RTN3: variants seen among roughly 807,000 people sequenced by gnomAD.
RTN3 encodes the protein reticulon 3.
A neutral mutation model predicts 77.8 loss-of-function variants in RTN3; 49 were observed. The observed-to-expected ratio is 0.63, with a 90% CI of 0.50 to 0.80. RTN3 has a LOEUF of 0.80. Ranked by LOEUF, RTN3 falls within the 30% of genes least tolerant of loss-of-function variation. The pLI is 0.00. For missense variants in RTN3, 1,236 were observed against 1,211.9 expected (o/e 1.02, Z -0.29); for synonymous variants, 464 against 446.9 (o/e 1.04, Z -0.48).
intron 1 of RTN3, among the ~76,000 whole-genome samples, 166 bp from the exon 2 acceptor site, chr11:63,704,685 T>C (rs1052435342): frequency 1.3e-5 from 2 of 152,178 alleles, no homozygotes; most frequent in African/African-American, 4.8e-5. Flanking sequence ...AAGGTTTTGC[T>C]ACCAGGTGAG....
At chr11:63,718,185 AT>A (rs1342950575) in intron 2 of RTN3, among the ~76,000 whole-genome samples, 3 of 152,300 alleles carry the variant, frequency 2.0e-5, no homozygotes, top group Non-Finnish European at 4.4e-5. Flanking sequence ...TCTCCTAAAA[AT>A]CAAAAAAGTC....
At chr11:63,695,098 A>T (rs1490611862) in intron 1 of RTN3, among the ~76,000 whole-genome samples, 1 of 152,232 alleles carries the variant, frequency 6.6e-6, no homozygotes, top group Non-Finnish European at 1.5e-5. Flanking sequence ...GCAAACATTT[A>T]TGAAGCTCCT....
At chr11:63,735,128 T>A (rs544008707) in intron 3 of RTN3, among the ~76,000 whole-genome samples, 1 of 152,210 alleles carries the variant, frequency 6.6e-6, no homozygotes, top group African/African-American at 2.4e-5. Flanking sequence ...TAGCTGAGAC[T>A]GCAAGTGTGC....
At chr11:63,708,790 C>T (rs562812944) in intron 2 of RTN3, among the ~76,000 whole-genome samples, 1 of 152,248 alleles carries the variant, frequency 6.6e-6, no homozygotes, top group Non-Finnish European at 1.5e-5. Context: ...TTTCCTTTTT[C>T]CATCAAGCAA....
chr11:63,695,851 G>A (rs1464222675), intron 1 of RTN3, among the ~76,000 whole-genome samples: 2 of 152,066 alleles, frequency 1.3e-5, no homozygotes, highest in East Asian at 1.9e-4. Context: ...AGAGAAAAGG[G>A]GCGTTAGGGA....
intron 8 of RTN3, among the ~76,000 whole-genome samples, chr11:63,757,482 T>G (rs569806580): frequency 5.9e-4 from 90 of 152,164 alleles, no homozygotes; most frequent in African/African-American, 1.8e-3. Flanking sequence ...CACCCCAGCC[T>G]CCTGAGTAGC....
chr11:63,695,942 C>T (rs1941914876), intron 1 of RTN3, among the ~76,000 whole-genome samples: 1 of 152,006 alleles, frequency 6.6e-6, no homozygotes, highest in African/African-American at 2.4e-5. Context: ...TAAAAATTAC[C>T]TTTGTAATAT....
chr11:63,685,674 ATTACC>A (rs1941330900), intron 1 of RTN3, among the ~76,000 whole-genome samples: 2 of 152,126 alleles, frequency 1.3e-5, no homozygotes, highest in Admixed American at 1.3e-4. Context: ...ATGCTAAAAA[ATTACC>A]TTAATTGTTT....
chr11:63,758,176 G>A lies in RTN3; in HGVS notation c.3074G>A (p.Gly1025Glu), dbSNP rs1362770024. 14 of 1,607,654 alleles carry A rather than the reference G, an allele frequency of 8.7e-6. No individual in the cohort carries two copies. Among genetic ancestry groups the A allele is most frequent in the Non-Finnish European group, 1.2e-5 (14 of 1,177,992 alleles). ...IVEKIQAKLP[G>E]IAKKKAE ...AATAGGATCCAAGCAAAACTCCCTG[G>A]AATCGCCAAAAAAAAGGCAGAATAA... Residue 1025 changes from glycine to glutamate, a missense_variant, in exon 9 of 9, where the codon GGA becomes GAA. This residue lies in a region of RTN3 where 141 missense variants were observed against 154.9 expected (regional missense o/e 0.91). Coordinates refer to ENST00000377819, the MANE Select transcript of RTN3 (RefSeq NM_001265589.2).
chr11:63,714,316 A>T (rs983930120), intron 2 of RTN3: 2 of 320,998 alleles, frequency 6.2e-6, no homozygotes, highest in Non-Finnish European at 6.1e-6. Flanking sequence ...CCTGCATCTC[A>T]CAATCACTGA....
At chr11:63,686,616 C>T (rs1020864901) in intron 1 of RTN3, among the ~76,000 whole-genome samples, 4 of 152,010 alleles carry the variant, frequency 2.6e-5, no homozygotes, top group South Asian at 2.1e-4. Context: ...CTTGAGCTCA[C>T]GAGTTTGAGA....
Position 63,752,598 on chromosome 11 carries a change from C to T in RTN3, c.2830C>T (p.Leu944Phe). The change falls in exon 5 of 9, where the codon CTC (leucine) becomes TTC (phenylalanine). Residue 944 changes from leucine to phenylalanine, a missense_variant. Physicochemically the swap from Leu to Phe is conservative, Grantham distance 22. This residue lies in a region of RTN3 where 141 missense variants were observed against 154.9 expected (regional missense o/e 0.91). Transcript: ENST00000377819. The part of the protein sequence containing the change: ...AMVHINRALK[L>F]IIRLFLVEDL... ...GGTGCACATCAACAGGGCCCTGAAA[C>T]TCATTATTCGTCTCTTTCTGGTAGA... The T allele has an allele frequency of 6.2e-7, 1 of 1,613,932 alleles. No homozygotes were observed. Among genetic ancestry groups the T allele is most frequent in the Non-Finnish European group, 8.5e-7 (1 of 1,179,916 alleles).
In RTN3 at chr11:63,718,861, A is replaced by G. The variant is rs141445845; in HGVS notation, c.359A>G (p.Asp120Gly). 9.9e-6 allele frequency: 16 copies of G among 1,613,990 alleles called. No homozygotes were observed. In the African/African-American group the frequency reaches 2.0e-4, roughly 20 times the overall value. ...CCTATTTTAGCCAAAGAAGGAAAAG[A>G]CCACTTGGATCTTCTAGATATGAAA... ...SQPILAKEGK[D>G]HLDLLDMKKM... The change falls in exon 3 of 9, where the codon GAC (aspartate) becomes GGC (glycine). Residue 120 changes from aspartate (D) to glycine (G), a missense_variant. Asp to Gly is a moderately conservative substitution (Grantham distance 94). Coordinates refer to ENST00000377819, the MANE Select transcript of RTN3 (RefSeq NM_001265589.2).
chr11:63,753,762 T>C (rs2014224304), intron 7 of RTN3, 54 bp downstream of exon 7: 1 of 1,468,630 alleles, frequency 6.8e-7, no homozygotes, highest in African/African-American at 1.4e-5. Flanking sequence ...TGACTAGTTG[T>C]AGTTCATTTC....
At position 63,698,072 on chromosome 11, in the gene RTN3, CT is replaced by C. The variant is rs569525712; in HGVS notation, c.143-6778del. 3.3e-5 allele frequency among the ~76,000 whole-genome samples: 5 copies of C among 152,086 alleles called. No homozygotes were observed. The South Asian group carries it at 8.3e-4, about 25-fold the overall frequency. ...AGTCTTCAGTGTCTGTTCCCTCCCC[CT>C]CTACCACTCTCATTTTAGTCATCAA... On this transcript the variant is annotated intron_variant, in intron 1 of 8. Transcript: ENST00000377819.
At chr11:63,749,861 AAAAAC>A (rs1302640416) in intron 3 of RTN3, 125 bp from the exon 4 acceptor site, 2 of 725,820 alleles carry the variant, frequency 2.8e-6, no homozygotes, top group African/African-American at 3.5e-5. Context: ...ATCTCTTTAA[AAAAAC>A]AAAACCAGAT....
chr11:63,712,400 C>T (rs2011184003), intron 2 of RTN3, among the ~76,000 whole-genome samples: 1 of 151,852 alleles, frequency 6.6e-6, no homozygotes, highest in African/African-American at 2.4e-5. Context: ...AAGTTAGGTG[C>T]TTTAATTTTC....
At chr11:63,710,405 A>G (rs1488600502) in intron 2 of RTN3, among the ~76,000 whole-genome samples, 1 of 152,132 alleles carries the variant, frequency 6.6e-6, no homozygotes, top group African/African-American at 2.4e-5. Context: ...GAAAGATAAA[A>G]TACTCTAGGC....
Position 63,753,029 on chromosome 11 carries a change from T to TA in RTN3, c.2878-39dup, listed in dbSNP as rs781125336. The TA allele has an allele frequency of 1.3e-5, 21 of 1,590,722 alleles. No individual in the cohort carries two copies. The African/African-American group carries it at 2.6e-4, about 19-fold the overall frequency. On this transcript the variant is annotated intron_variant, in intron 5 of 8. Coordinates refer to ENST00000377819, the MANE Select transcript of RTN3 (RefSeq NM_001265589.2). Reference sequence around the variant, plus strand: ...ACATCAGTTAATGTGAATTTTGCCTTACGGTTATTCCTGCTTAACTTTTGA... The same window carrying TA: ...ACATCAGTTAATGTGAATTTTGCCTTAACGGTTATTCCTGCTTAACTTTTGA...
Sources: allele counts gnomAD v4.1 joint callset (sites outside exome capture counted in the v4.1 genomes callset), GRCh38; gene constraint gnomAD v4.1.1; regional missense constraint gnomAD v4.1.1; transcripts MANE v1.5; gene names NCBI Gene and HGNC (gene_info 2026-07-23, HGNC 2026-07-21).